Variants in SWT1 observed in about 807,000 individuals in gnomAD.
The protein encoded by SWT1 is SWT1 RNA endoribonuclease homolog, also known as transcriptional protein SWT1.
In SWT1, 33 loss-of-function variants were observed where a neutral mutation model predicts 107.3. That is an observed-to-expected ratio of 0.31 (90% CI 0.23 to 0.41). The LOEUF is 0.41. Among genes scored for constraint, SWT1 ranks in the 10% least tolerant of loss-of-function variants. The pLI, the probability that SWT1 is intolerant of heterozygous loss-of-function variation, is 1.00. For synonymous variants in SWT1, 345 were observed against 348.3 expected, an observed-to-expected ratio of 0.99 and a Z score of 0.11; for missense variants, 898 against 1,028.9, an observed-to-expected ratio of 0.87 and a Z score of 1.74.
At position 185,206,819 on chromosome 1, in the gene SWT1, T is replaced by C. The variant is rs1658373513; in HGVS notation, c.1972+56T>C. On this transcript the variant is annotated intron_variant, in intron 13 of 18. Transcript: ENST00000367500. ...TGTTGTATTAAGTCAGACTAGCAGA[T>C]ATATTTCCTGGGATGTGAAGATAAA... is the stretch of plus-strand genomic sequence containing the variant. The C allele has an allele frequency of 4.1e-6, 5 of 1,220,864 alleles. No individual in the cohort carries two copies. In the African/African-American group the frequency reaches 7.7e-5, roughly 19 times the overall value. The allele number at this position is 1,220,864 out of a possible 1,614,324, so 75.6% of individuals were successfully genotyped here. A position where few individuals can be genotyped will look rare whatever the true frequency, so the allele number is the denominator to read the frequency against.
At chr1:185,190,150 GAT>G (rs1320886434) in intron 9 of SWT1, among the ~76,000 whole-genome samples, 2 of 152,100 alleles carry the variant, frequency 1.3e-5, no homozygotes, top group African/African-American at 4.8e-5. Flanking sequence ...GCCCAGCTGA[GAT>G]ATATTTTTTA....
At chr1:185,193,656 A>G (rs912782264) in intron 10 of SWT1, among the ~76,000 whole-genome samples, 2 of 151,982 alleles carry the variant, frequency 1.3e-5, no homozygotes, top group Non-Finnish European at 2.9e-5. Context: ...TAGTAGAGAC[A>G]GGGTTTCACC....
chr1:185,255,584 C>G (rs1662430530), intron 16 of SWT1, among the ~76,000 whole-genome samples: 1 of 126,602 alleles, frequency 7.9e-6, no homozygotes, highest in Non-Finnish European at 1.6e-5. Flanking sequence ...TCTGTTTTAT[C>G]AGAGACTAGG....
chr1:185,160,505 A>G (rs1369369213), intron 1 of SWT1, among the ~76,000 whole-genome samples: 1 of 152,136 alleles, frequency 6.6e-6, no homozygotes, highest in East Asian at 1.9e-4. Context: ...GGTCGAGACC[A>G]GCCTGACCAA....
intron 13 of SWT1, among the ~76,000 whole-genome samples, chr1:185,209,631 G>A (rs1030814465): frequency 3.9e-5 from 6 of 152,076 alleles, no homozygotes; most frequent in Non-Finnish European, 5.9e-5. Flanking sequence ...TCATTGAAGG[G>A]CATTTGGGTT....
chr1:185,182,686 A>G (rs1404467712), intron 7 of SWT1, among the ~76,000 whole-genome samples: 15 of 151,342 alleles, frequency 9.9e-5, no homozygotes, highest in Non-Finnish European at 2.1e-4. Flanking sequence ...AAAAAAAAAA[A>G]AAAAAAGAAA....
At chr1:185,279,563 C>G (rs1344720219) in intron 18 of SWT1, among the ~76,000 whole-genome samples, 1 of 151,932 alleles carries the variant, frequency 6.6e-6, no homozygotes, top group Non-Finnish European at 1.5e-5. Flanking sequence ...AATTGCTGCT[C>G]AGCAAGCTTT....
intron 16 of SWT1, among the ~76,000 whole-genome samples, chr1:185,240,969 T>C (rs1246786484): frequency 6.6e-6 from 1 of 152,148 alleles, no homozygotes; most frequent in Non-Finnish European, 1.5e-5. Flanking sequence ...GATCCACTAA[T>C]ATGCTTCAAA....
intron 9 of SWT1, among the ~76,000 whole-genome samples, chr1:185,186,912 G>C (rs932448183): frequency 6.6e-6 from 1 of 150,696 alleles, no homozygotes; most frequent in Non-Finnish European, 1.5e-5. Flanking sequence ...GCCCCACCAT[G>C]CCTGGCTAAT....
At chr1:185,214,765 A>T in intron 14 of SWT1, 110 bp downstream of exon 14, 2 of 877,340 alleles carry the variant, frequency 2.3e-6, no homozygotes. Context: ...TTATTCTAAC[A>T]TACTAAAGGC....
intron 17 of SWT1, among the ~76,000 whole-genome samples, chr1:185,275,596 G>T (rs1664188967): frequency 6.6e-6 from 1 of 150,798 alleles, no homozygotes; most frequent in South Asian, 2.1e-4. Flanking sequence ...TGTTGCTCAG[G>T]CTAGTCTCAA....
intron 10 of SWT1, among the ~76,000 whole-genome samples, chr1:185,192,731 T>C (rs1657061303): frequency 6.6e-6 from 1 of 151,242 alleles, no homozygotes; most frequent in African/African-American, 2.4e-5. Flanking sequence ...AACTGCAGTC[T>C]CTGCCTCTTG....
Position 185,176,250 on chromosome 1 carries a change from C to T in SWT1, c.966+1137C>T, listed in dbSNP as rs568666531. ...TTATGGTGAGCTGATCATGTAACTG[C>T]ACTCCAACCTAGGTGACAGAAAGAG... On this transcript the variant is annotated intron_variant, in intron 5 of 18. Transcript: ENST00000367500. 1.5e-3 allele frequency among the ~76,000 whole-genome samples: 199 copies of T among 130,718 alleles called. 2 individuals carry two copies. The highest frequency in any genetic ancestry group is 5.6e-3 in the African/African-American group (190 of 33,898). 85.8% of individuals were successfully genotyped at this position (130,718 alleles called of 152,430 possible).
intron 13 of SWT1, among the ~76,000 whole-genome samples, chr1:185,213,235 A>G (rs1453157135): frequency 1.3e-5 from 2 of 152,222 alleles, no homozygotes; most frequent in Admixed American, 6.5e-5. Flanking sequence ...GTTGTGTCCA[A>G]TTATATCTTC....
intron 18 of SWT1, among the ~76,000 whole-genome samples, chr1:185,279,264 T>C (rs1369760878): frequency 2.6e-5 from 4 of 152,212 alleles, no homozygotes; most frequent in African/African-American, 7.2e-5. Flanking sequence ...TGTAGATACA[T>C]GGAGGCCACA....
intron 14 of SWT1, among the ~76,000 whole-genome samples, chr1:185,221,041 G>C (rs557020883): frequency 1.8e-5 from 2 of 113,392 alleles, no homozygotes; most frequent in South Asian, 6.1e-4. Flanking sequence ...GCATGTGTGC[G>C]TGCACACAGA....
At chr1:185,229,158 G>T (rs1014044581) in intron 15 of SWT1, among the ~76,000 whole-genome samples, 5 of 152,182 alleles carry the variant, frequency 3.3e-5, no homozygotes, top group African/African-American at 9.7e-5. Flanking sequence ...GAGGCAGGAA[G>T]AGGGCGAGAT....
At chr1:185,173,530 CAAA>C (rs869052260) in intron 4 of SWT1, among the ~76,000 whole-genome samples, 157 of 96,548 alleles carry the variant, frequency 1.6e-3, no homozygotes, top group Admixed American at 5.0e-3. Flanking sequence ...CTGTCTCTAC[CAAA>C]AAAAAAAAAA....
At chr1:185,159,716 TA>T (rs1397169680) in intron 1 of SWT1, among the ~76,000 whole-genome samples, 2 of 152,048 alleles carry the variant, frequency 1.3e-5, no homozygotes, top group South Asian at 2.1e-4. Flanking sequence ...TGTATTTTAA[TA>T]TTTTTTTATA....
Sources: allele counts gnomAD v4.1 joint callset (sites outside exome capture counted in the v4.1 genomes callset), GRCh38; gene constraint gnomAD v4.1.1; transcripts MANE v1.5; gene names NCBI Gene and HGNC (gene_info 2026-07-23, HGNC 2026-07-21).